CNTN4: variants seen among roughly 807,000 people sequenced by gnomAD.
CNTN4 encodes the protein contactin-4.
CNTN4 carries 77 observed loss-of-function variants against 122.5 expected under a neutral mutation model. That is an observed-to-expected ratio of 0.63 (90% CI 0.52 to 0.76). The LOEUF (loss-of-function observed/expected upper bound fraction) is 0.76, where lower values mean the gene tolerates loss of function less well. Ranked by LOEUF, CNTN4 falls within the 30% of genes least tolerant of loss-of-function variation. The pLI is 0.00. For missense variants in CNTN4, 1,256 were observed against 1,259.1 expected (o/e 1.00, Z 0.04); for synonymous variants, 512 against 447.0 (o/e 1.15, Z -1.83).
intron 3 of CNTN4, among the ~76,000 whole-genome samples, chr3:2,516,648 C>G (rs1315925261): frequency 6.6e-6 from 1 of 152,146 alleles, no homozygotes; most frequent in East Asian, 1.9e-4. Context: ...GAAGGGAAGT[C>G]CTTCTGCATT....
chr3:2,413,277 A>C (rs1399097258), intron 3 of CNTN4, among the ~76,000 whole-genome samples: 3 of 152,222 alleles, frequency 2.0e-5, no homozygotes, highest in Non-Finnish European at 4.4e-5. Flanking sequence ...TCCAGTTTAA[A>C]TTAGTTCAAC....
At chr3:3,031,233 C>T (rs888628226) in intron 16 of CNTN4, among the ~76,000 whole-genome samples, 4 of 152,160 alleles carry the variant, frequency 2.6e-5, no homozygotes, top group Admixed American at 6.5e-5. Context: ...TACCCGATTA[C>T]GGCTGTTGGA....
chr3:2,489,128 T>G (rs1021787013), intron 3 of CNTN4, among the ~76,000 whole-genome samples: 1 of 152,220 alleles, frequency 6.6e-6, no homozygotes, highest in African/African-American at 2.4e-5. Flanking sequence ...CAGTTTACTT[T>G]TTGGTGCACT....
At chr3:2,851,767 A>C (rs944518782) in intron 7 of CNTN4, among the ~76,000 whole-genome samples, 2 of 152,192 alleles carry the variant, frequency 1.3e-5, no homozygotes, top group African/African-American at 4.8e-5. Flanking sequence ...TGCCTTTTCC[A>C]CTGCACTGTA....
chr3:2,239,565 G>T (rs950027870), intron 2 of CNTN4, among the ~76,000 whole-genome samples: 5 of 152,130 alleles, frequency 3.3e-5, no homozygotes, highest in African/African-American at 1.2e-4. Flanking sequence ...GTTTCCCTAA[G>T]CTCAGTTCCT....
At chr3:2,916,780 G>A (rs1158765665) in intron 12 of CNTN4, among the ~76,000 whole-genome samples, 1 of 150,020 alleles carries the variant, frequency 6.7e-6, no homozygotes, top group Non-Finnish European at 1.5e-5. Flanking sequence ...GGGGCGGCCG[G>A]GCAGAGGGGC....
At chr3:2,731,665 G>A (rs769054822) in intron 4 of CNTN4, among the ~76,000 whole-genome samples, 3 of 152,202 alleles carry the variant, frequency 2.0e-5, no homozygotes, top group Admixed American at 6.5e-5. Context: ...GTGAGCCCAT[G>A]CCCCTAATTT....
chr3:2,641,626 C>G (rs959694382), intron 4 of CNTN4, among the ~76,000 whole-genome samples: 3 of 152,076 alleles, frequency 2.0e-5, no homozygotes, highest in African/African-American at 7.2e-5. Flanking sequence ...TCACAATGAC[C>G]CTAGTCTACA....
At chr3:2,629,874 C>T (rs2150023322) in intron 4 of CNTN4, among the ~76,000 whole-genome samples, 1 of 152,250 alleles carries the variant, frequency 6.6e-6, no homozygotes. Flanking sequence ...ACATTTCCCG[C>T]CAGCCCAACC....
At position 2,847,165 on chromosome 3, in the gene CNTN4, G is replaced by A. The variant is rs1166167619; in HGVS notation, c.455-19587G>A. 4.9e-5 allele frequency among the ~76,000 whole-genome samples: 5 copies of A among 101,352 alleles called. No individual in the cohort carries two copies. The East Asian group carries it at 1.4e-3, about 28-fold the overall frequency. The allele number at this position is 101,352 out of a possible 152,430, so 66.5% of individuals were successfully genotyped here. ...TATCAGGAGAGAAAAGGCAAATGTT[G>A]CAAAAAAAAAAAAGATAGACTTGGC... is the stretch of plus-strand genomic sequence containing the variant. On this transcript the variant is annotated intron_variant, in intron 7 of 24. Transcript: ENST00000418658.
intron 3 of CNTN4, among the ~76,000 whole-genome samples, chr3:2,414,044 C>A (rs2047323640): frequency 6.6e-6 from 1 of 152,112 alleles, no homozygotes; most frequent in African/African-American, 2.4e-5. Context: ...ACCTCCATCA[C>A]CCCATAGACA....
chr3:2,221,008 T>C (rs1523314), intron 2 of CNTN4, among the ~76,000 whole-genome samples: 46,215 of 151,968 alleles, frequency 0.3, 7,454 homozygotes, highest in African/African-American at 0.37. Flanking sequence ...AGATTCGGAC[T>C]GGGGCCATCA....
intron 6 of CNTN4, among the ~76,000 whole-genome samples, chr3:2,767,510 A>G (rs2090912640): frequency 6.6e-6 from 1 of 152,122 alleles, no homozygotes; most frequent in South Asian, 2.1e-4. Flanking sequence ...TATTACCTTT[A>G]CTGAGTGAGT....
At chr3:2,446,031 T>C (rs1001604719) in intron 3 of CNTN4, among the ~76,000 whole-genome samples, 10 of 152,218 alleles carry the variant, frequency 6.6e-5, no homozygotes, top group Admixed American at 5.2e-4. Flanking sequence ...AGCTGTTCAA[T>C]GACTAGATGG....
chr3:2,779,901 A>T (rs546269226), intron 6 of CNTN4, among the ~76,000 whole-genome samples: 2 of 152,378 alleles, frequency 1.3e-5, no homozygotes, highest in African/African-American at 4.8e-5. Flanking sequence ...TCAAATTAGT[A>T]CACTATTGAC....
At chr3:2,384,649 A>G (rs1049766649) in intron 3 of CNTN4, among the ~76,000 whole-genome samples, 3 of 152,028 alleles carry the variant, frequency 2.0e-5, no homozygotes, top group South Asian at 4.1e-4. Context: ...TTTTTCTTCT[A>G]TGACACCTGA....
At chr3:2,921,583 A>T (rs2094430456) in intron 12 of CNTN4, among the ~76,000 whole-genome samples, 1 of 152,236 alleles carries the variant, frequency 6.6e-6, no homozygotes, top group Non-Finnish European at 1.5e-5. Context: ...TTAAAGTAAT[A>T]AGAAATGCTG....
chr3:2,251,580 G>T (rs2040381176), intron 2 of CNTN4, among the ~76,000 whole-genome samples: 1 of 151,614 alleles, frequency 6.6e-6, no homozygotes, highest in Non-Finnish European at 1.5e-5. Flanking sequence ...TTTTTTTGTA[G>T]AGCCATTGCC....
chr3:2,592,237 G>T (rs2080531329), intron 4 of CNTN4, among the ~76,000 whole-genome samples: 3 of 152,130 alleles, frequency 2.0e-5, no homozygotes, highest in African/African-American at 7.2e-5. Context: ...TTTGCCTCAG[G>T]ACAATTAATA....
Sources: gnomAD v4.1 joint callset for allele counts (sites outside exome capture counted in the v4.1 genomes callset) on GRCh38, gnomAD v4.1.1 for gene constraint, MANE v1.5 for transcripts, NCBI Gene and HGNC (gene_info 2026-07-23, HGNC 2026-07-21) for gene names.